CYFIP1: variants seen among roughly 807,000 people sequenced by gnomAD.
CYFIP1 encodes the protein cytoplasmic FMR1-interacting protein 1.
In CYFIP1, 58 loss-of-function variants were observed where a neutral mutation model predicts 163.5. The observed-to-expected ratio is 0.35, with a 90% CI of 0.29 to 0.44. The LOEUF is 0.44. Ranked by LOEUF, CYFIP1 falls within the 20% of genes least tolerant of loss-of-function variation. The pLI, the probability that CYFIP1 is intolerant of heterozygous loss-of-function variation, is 1.00. For synonymous variants in CYFIP1, 663 were observed against 660.7 expected (o/e 1.00, Z -0.05); for missense variants, 1,338 against 1,653.8 (o/e 0.81, Z 3.31).
Position 22,875,049 on chromosome 15 carries a change from G to A in CYFIP1, c.3115+150C>T, listed in dbSNP as rs1016816036. On this transcript the variant is annotated intron_variant, in intron 27 of 30. Coordinates refer to ENST00000617928, the MANE Select transcript of CYFIP1 (RefSeq NM_014608.6). Reference sequence around the variant, plus strand: ...CTATTTCTCAATCTTCATTTAACTAGGTTCTGTACACTCCTCATTACCCCT... The same window carrying A: ...CTATTTCTCAATCTTCATTTAACTAAGTTCTGTACACTCCTCATTACCCCT... 9.1e-6 allele frequency: 6 copies of A among 660,466 alleles called. No homozygotes were observed. The East Asian group carries it at 1.3e-4, about 14-fold the overall frequency. 40.9% of individuals were successfully genotyped at this position (660,466 alleles called of 1,614,324 possible).
chr15:22,887,948 C>T (rs543394104), intron 23 of CYFIP1, among the ~76,000 whole-genome samples: 3 of 152,262 alleles, frequency 2.0e-5, no homozygotes, highest in South Asian at 4.1e-4. Context: ...ACTCGCCAGT[C>T]GTGCAACTTG....
intron 22 of CYFIP1, among the ~76,000 whole-genome samples, chr15:22,900,120 C>T (rs2060348569): frequency 6.6e-6 from 1 of 152,186 alleles, no homozygotes; most frequent in East Asian, 1.9e-4. Flanking sequence ...ACATATGTGT[C>T]TGGCTAAGAC....
In CYFIP1 at chr15:22,867,145, A is replaced by G. The variant is rs1026510239; in HGVS notation, c.*2883T>C. 2.2e-5 allele frequency: 10 copies of G among 449,838 alleles called. No individual in the cohort carries two copies. Among genetic ancestry groups the G allele is most frequent in the Middle Eastern group, 1.1e-3 (2 of 1,756 alleles). The allele number at this position is 449,838 out of a possible 1,614,324, so 27.9% of individuals were successfully genotyped here. A position where few individuals can be genotyped will look rare whatever the true frequency, so the allele number is the denominator to read the frequency against. ...CTAATGACAGTTTTAAGTCTATGAA[A>G]ATGCTTTATTTTTTCATTGGTGATG... On this transcript the variant is annotated 3_prime_UTR_variant, in exon 31 of 31. Transcript: ENST00000617928.
chr15:22,928,604 T>C (rs750414831), intron 11 of CYFIP1, among the ~76,000 whole-genome samples: 10 of 152,206 alleles, frequency 6.6e-5, no homozygotes, highest in East Asian at 1.9e-4. Flanking sequence ...GCACTTCCAC[T>C]AGGCCGGGGA....
At chr15:22,958,620 G>C (rs915225174) in intron 1 of CYFIP1, among the ~76,000 whole-genome samples, 4 of 152,182 alleles carry the variant, frequency 2.6e-5, no homozygotes, top group African/African-American at 9.7e-5. Context: ...GCCTCTGGGA[G>C]GGGTCTCCCA....
rs1377424520 is a variant in CYFIP1, at chr15:22,868,396, T to C, written c.*1632A>G. ...ATTCTTATTTAACATTTTGTAGCACTTGAGATTGTCTTATACCTAAGGTAT... is the reference window on the plus strand; with the variant it reads ...ATTCTTATTTAACATTTTGTAGCACCTGAGATTGTCTTATACCTAAGGTAT... On this transcript the variant is annotated 3_prime_UTR_variant, in exon 31 of 31. Transcript: ENST00000617928. 2 of 152,186 alleles carry C rather than the reference T, an allele frequency of 1.3e-5. No individual in the cohort carries two copies. Among genetic ancestry groups the C allele is most frequent in the Non-Finnish European group, 2.9e-5 (2 of 68,032 alleles). 9.4% of individuals were successfully genotyped at this position (152,186 alleles called of 1,614,324 possible). A position where few individuals can be genotyped will look rare whatever the true frequency, so the allele number is the denominator to read the frequency against.
intron 22 of CYFIP1, among the ~76,000 whole-genome samples, chr15:22,899,958 G>C (rs972615474): frequency 5.9e-5 from 9 of 152,156 alleles, no homozygotes; most frequent in African/African-American, 2.2e-4. Flanking sequence ...TGTGGCAGGA[G>C]AATCGCTTGA....
intron 28 of CYFIP1, among the ~76,000 whole-genome samples, chr15:22,874,073 G>A (rs1453003784): frequency 6.6e-6 from 1 of 152,218 alleles, no homozygotes; most frequent in African/African-American, 2.4e-5. Context: ...GGGTCTACTG[G>A]CAGCTAGTGT....
rs1372661795 is a variant in CYFIP1, at chr15:22,917,011, T to C, written c.1675-381A>G. 6.5e-7 allele frequency: 1 copy of C among 1,549,932 alleles called. No individual in the cohort carries two copies. Among genetic ancestry groups the C allele is most frequent in the Middle Eastern group, 1.7e-4 (1 of 5,940 alleles). ...TCGGCAGAGCCCAAGGACTCGGCCA[T>C]GGTGCGCACCAGGTAGAGCTAGACA... On this transcript the variant is annotated intron_variant, in intron 15 of 30. Transcript: ENST00000617928. The surrounding 1 kb of genome is among the most constrained non-coding windows in gnomAD (Gnocchi z 4.2).
intron 1 of CYFIP1, among the ~76,000 whole-genome samples, chr15:22,978,218 G>A (rs1446273122): frequency 6.6e-6 from 1 of 151,686 alleles, no homozygotes; most frequent in Non-Finnish European, 1.5e-5. Flanking sequence ...CGGGTGTGGT[G>A]GTGCGTGCCT....
rs1165803282 is a variant in CYFIP1, at chr15:22,873,423, C to G, written c.3449+68G>C. 3 of 1,340,978 alleles carry G rather than the reference C, an allele frequency of 2.2e-6. No individual in the cohort carries two copies. In the African/African-American group the frequency reaches 4.3e-5, roughly 19 times the overall value. The allele number at this position is 1,340,978 out of a possible 1,614,324, so 83.1% of individuals were successfully genotyped here. A position where few individuals can be genotyped will look rare whatever the true frequency, so the allele number is the denominator to read the frequency against. The stretch of plus-strand genomic sequence containing the variant: ...CATGGCTGGCTGCTTGTTAGCCTAA[C>G]ACGCCTCCCCTCCCCCACAGCTCCT... On this transcript the variant is annotated intron_variant, in intron 29 of 30. Coordinates refer to ENST00000617928, the MANE Select transcript of CYFIP1 (RefSeq NM_014608.6).
intron 1 of CYFIP1, among the ~76,000 whole-genome samples, chr15:22,953,428 C>A (rs1185222916): frequency 6.6e-6 from 1 of 152,202 alleles, no homozygotes; most frequent in African/African-American, 2.4e-5. Flanking sequence ...GTGACTCCAG[C>A]CGCCTGCACC....
At chr15:22,896,305 T>A (rs78425199) in intron 22 of CYFIP1, among the ~76,000 whole-genome samples, 1 of 152,114 alleles carries the variant, frequency 6.6e-6, no homozygotes, top group Non-Finnish European at 1.5e-5. Context: ...GGCCCAACAG[T>A]GGCTCTTTTC....
chr15:22,873,066 T>G, intron 29 of CYFIP1, 94 bp from the exon 30 acceptor site: 1 of 1,380,038 alleles, frequency 7.2e-7, no homozygotes, highest in Non-Finnish European at 1.0e-6. Flanking sequence ...CCAAGCCATC[T>G]GCATTACTGT....
In CYFIP1 at chr15:22,934,395, C is replaced by T. The variant is rs531215596; in HGVS notation, c.901-502G>A. On this transcript the variant is annotated intron_variant, in intron 9 of 30. Transcript: ENST00000617928. The stretch of plus-strand genomic sequence containing the variant: ...TAGAGATGGGATTCACTGTGTTAGC[C>T]AGGATGGTCTCAATCTCCTGACCTC... Among the ~76,000 whole-genome samples, 4 of 149,216 alleles carry T rather than the reference C, an allele frequency of 2.7e-5. No homozygotes were observed. The South Asian group carries it at 8.5e-4, about 32-fold the overall frequency.
At chr15:22,886,283 A>G (rs927981970) in intron 23 of CYFIP1, among the ~76,000 whole-genome samples, 5 of 152,172 alleles carry the variant, frequency 3.3e-5, no homozygotes, top group Admixed American at 3.3e-4. Context: ...AAAACATATC[A>G]AGGTGGTTCC....
At chr15:22,883,643 C>T (rs920773131) in intron 23 of CYFIP1, among the ~76,000 whole-genome samples, 3 of 151,972 alleles carry the variant, frequency 2.0e-5, no homozygotes, top group African/African-American at 7.3e-5. Flanking sequence ...CGGTGAAACC[C>T]CGTCTCTACT....
intron 21 of CYFIP1, among the ~76,000 whole-genome samples, chr15:22,908,479 G>T (rs1441246754): frequency 6.8e-6 from 1 of 148,104 alleles, no homozygotes; most frequent in Non-Finnish European, 1.5e-5. Flanking sequence ...TTAGCAGGAA[G>T]ACCCTTGTGG....
chr15:22,906,761 G>A (rs1157508998), intron 21 of CYFIP1, among the ~76,000 whole-genome samples: 1 of 152,110 alleles, frequency 6.6e-6, no homozygotes, highest in Non-Finnish European at 1.5e-5. Flanking sequence ...CACAGCGCCC[G>A]GCCAGCAACT....
Sources: allele counts gnomAD v4.1 joint callset (sites outside exome capture counted in the v4.1 genomes callset), GRCh38; gene constraint gnomAD v4.1.1; non-coding constraint Gnocchi (gnomAD v3.1); transcripts MANE v1.5; gene names NCBI Gene and HGNC (gene_info 2026-07-23, HGNC 2026-07-21).